KDELR3: variants seen among roughly 807,000 people sequenced by gnomAD.
The protein encoded by KDELR3 is ER lumen protein-retaining receptor 3.
KDELR3 carries 26 observed loss-of-function variants against 22.7 expected under a neutral mutation model. The observed-to-expected ratio is 1.15, with a 90% CI of 0.84 to 1.59. The LOEUF (loss-of-function observed/expected upper bound fraction) is 1.59, where lower values mean the gene tolerates loss of function less well. Ranked by LOEUF, KDELR3 falls within the 40% of genes most tolerant of loss-of-function variation. The probability of loss-of-function intolerance (pLI) is 0.00; values close to 1 mark genes in which losing one functional copy is unlikely to be tolerated. For missense variants in KDELR3, 289 were observed against 251.1 expected (o/e 1.15, Z -1.02); for synonymous variants, 120 against 98.2 (o/e 1.22, Z -1.31).
In KDELR3 at chr22:38,474,536, G is replaced by T; in HGVS notation, c.105G>T (p.Lys35Asn). Reference sequence around the variant, plus strand: ...CCTTGGCCACAGGCATCTCTGGGAAGAGCCAGATCCTGTTTGCTCTCGTCT... The same window carrying T: ...CCTTGGCCACAGGCATCTCTGGGAATAGCCAGATCCTGTTTGCTCTCGTCT... Reference protein sequence around the residue: ...RSKCCKGISGKSQILFALVFT... With the variant: ...RSKCCKGISGNSQILFALVFT... Residue 35 changes from lysine (K) to asparagine (N), a missense_variant, in exon 2 of 5, where the codon AAG becomes AAT. Transcript: ENST00000216014. 2.5e-6 allele frequency: 4 copies of T among 1,613,932 alleles called. No individual in the cohort carries two copies. The highest frequency in any genetic ancestry group is 3.4e-6 in the Non-Finnish European group (4 of 1,179,952).
intron 3 of KDELR3, among the ~76,000 whole-genome samples, 184 bp downstream of exon 3, chr22:38,479,935 T>C (rs1342763901): frequency 1.3e-5 from 2 of 152,196 alleles, no homozygotes. Flanking sequence ...CACATCTCAA[T>C]AGTCATGATG....
intron 3 of KDELR3, among the ~76,000 whole-genome samples, chr22:38,480,395 C>T (rs111658957): frequency 3.9e-5 from 6 of 152,188 alleles, no homozygotes; most frequent in South Asian, 2.1e-4. Context: ...CCACCCACCT[C>T]GGCCTCCCAA....
At chr22:38,470,123 C>T (rs1333763432) in intron 1 of KDELR3, among the ~76,000 whole-genome samples, 1 of 146,128 alleles carries the variant, frequency 6.8e-6, no homozygotes, top group African/African-American at 2.5e-5. Context: ...ACTGCGCCCA[C>T]TTCTTTTTTT....
intron 1 of KDELR3, among the ~76,000 whole-genome samples, chr22:38,472,483 T>A (rs1476883384): frequency 1.3e-5 from 2 of 150,820 alleles, no homozygotes; most frequent in African/African-American, 4.9e-5. Flanking sequence ...TCTCAAAAAA[T>A]AAATAAATAA....
intron 3 of KDELR3, among the ~76,000 whole-genome samples, chr22:38,480,980 A>G (rs888025827): frequency 1.8e-4 from 28 of 152,212 alleles, no homozygotes; most frequent in African/African-American, 6.7e-4. Context: ...CTCACGCTAC[A>G]CTGTGAAAAA....
chr22:38,478,052 G>GT (rs1160286747), intron 2 of KDELR3, among the ~76,000 whole-genome samples: 1 of 152,162 alleles, frequency 6.6e-6, no homozygotes, highest in Admixed American at 6.5e-5. Flanking sequence ...CTTGTACCTA[G>GT]ACATTTACAG....
intron 1 of KDELR3, among the ~76,000 whole-genome samples, chr22:38,471,208 G>A (rs1259009768): frequency 1.3e-5 from 2 of 152,172 alleles, no homozygotes; most frequent in Non-Finnish European, 2.9e-5. Context: ...TAAGGAAAAT[G>A]TGAGTAAAAC....
chr22:38,469,752 G>C lies in KDELR3; in HGVS notation c.91+1428G>C, dbSNP rs540719843. 3.6e-3 allele frequency among the ~76,000 whole-genome samples: 548 copies of C among 152,356 alleles called. 2 individuals carry two copies. The highest frequency in any genetic ancestry group is 5.9e-3 in the Non-Finnish European group (402 of 68,032). On this transcript the variant is annotated intron_variant, in intron 1 of 4. Transcript: ENST00000216014. ...ACCTGGCCGCTGTCTGCCAGACACT[G>C]CTGGGCACCTAGAATACAGCCCGGA...
chr22:38,482,322 A>T (rs1438539221), intron 4 of KDELR3, among the ~76,000 whole-genome samples, 174 bp from the exon 5 acceptor site: 1 of 152,194 alleles, frequency 6.6e-6, no homozygotes, highest in Non-Finnish European at 1.5e-5. Context: ...CCAGTAACCA[A>T]GTCGGGGATC....
chr22:38,471,058 C>T (rs1420330049), intron 1 of KDELR3, among the ~76,000 whole-genome samples: 1 of 152,250 alleles, frequency 6.6e-6, no homozygotes, highest in Non-Finnish European at 1.5e-5. Flanking sequence ...GCAGGAGAAT[C>T]GCTTGAACCT....
rs966624251 is a variant in KDELR3 at position 38,479,586 on chromosome 22, CTT to C, written c.193-4_193-3del. Reference sequence around the variant, plus strand: ...GATTCGATTCCCATGTCTCTCTCCCCTTTTAGGTGGTTTTTCTCCTCTGTGCC... The same window carrying C: ...GATTCGATTCCCATGTCTCTCTCCCCTTAGGTGGTTTTTCTCCTCTGTGCC... On this transcript the variant is annotated splice_polypyrimidine_tract_variant and splice_region_variant and intron_variant, in intron 2 of 4. Transcript: ENST00000216014. 1.2e-6 allele frequency: 2 copies of C among 1,611,162 alleles called. No homozygotes were observed. Among genetic ancestry groups the C allele is most frequent in the African/African-American group, 2.7e-5 (2 of 74,898 alleles).
chr22:38,469,738 G>T (rs1281307480), intron 1 of KDELR3, among the ~76,000 whole-genome samples: 2 of 152,234 alleles, frequency 1.3e-5, no homozygotes, highest in Admixed American at 6.5e-5. Context: ...CCTGGCCGCT[G>T]TCTGCCAGAC....
At chr22:38,476,585 T>C (rs543417234) in intron 2 of KDELR3, among the ~76,000 whole-genome samples, 1 of 148,440 alleles carries the variant, frequency 6.7e-6, no homozygotes, top group African/African-American at 2.5e-5. Context: ...GGTGCAGTGG[T>C]GCAATCTCGG....
rs1018109138 is a variant in KDELR3 at position 38,475,079 on chromosome 22, C to CAA, written c.192+481_192+482dup. 4.1e-3 allele frequency among the ~76,000 whole-genome samples: 84 copies of CAA among 20,426 alleles called. 10 individuals are homozygous for CAA. Among genetic ancestry groups the CAA allele is most frequent in the African/African-American group, 9.0e-3 (67 of 7,474 alleles). 13.4% of individuals were successfully genotyped at this position (20,426 alleles called of 152,430 possible). On this transcript the variant is annotated intron_variant, in intron 2 of 4. Transcript: ENST00000216014. The stretch of plus-strand genomic sequence containing the variant: ...TGGGTGACAGAGTGAGACTCTGTCT[C>CAA]AAAAAAAAAAAAAAAAAAAAAAAAA...
At chr22:38,469,725 G>A (rs2089512919) in intron 1 of KDELR3, among the ~76,000 whole-genome samples, 1 of 152,240 alleles carries the variant, frequency 6.6e-6, no homozygotes, top group African/African-American at 2.4e-5. Flanking sequence ...GGGGACACTG[G>A]TACCTGGCCG....
intron 1 of KDELR3, among the ~76,000 whole-genome samples, chr22:38,471,965 CA>C (rs927590095): frequency 2.0e-5 from 3 of 147,306 alleles, no homozygotes; most frequent in African/African-American, 7.5e-5. Flanking sequence ...CCCTGCCTCA[CA>C]AAAAAAGAAA....
chr22:38,475,438 A>G (rs1396294147), intron 2 of KDELR3, among the ~76,000 whole-genome samples: 1 of 152,246 alleles, frequency 6.6e-6, no homozygotes, highest in Non-Finnish European at 1.5e-5. Context: ...TGATCATGCC[A>G]CTGTACTCCA....
chr22:38,478,343 C>T (rs182719997), intron 2 of KDELR3, among the ~76,000 whole-genome samples: 2 of 151,392 alleles, frequency 1.3e-5, no homozygotes, highest in Non-Finnish European at 2.9e-5. Flanking sequence ...GTGAGGAGTT[C>T]GAGACAAGCC....
chr22:38,468,554 C>T (rs886611321), intron 1 of KDELR3, among the ~76,000 whole-genome samples: 3 of 152,182 alleles, frequency 2.0e-5, no homozygotes, highest in Admixed American at 6.5e-5. Context: ...TGCACAGACG[C>T]CCCCTCAGGT....
Sources: gnomAD v4.1 joint callset for allele counts (sites outside exome capture counted in the v4.1 genomes callset) on GRCh38, gnomAD v4.1.1 for gene constraint, MANE v1.5 for transcripts, NCBI Gene and HGNC (gene_info 2026-07-23, HGNC 2026-07-21) for gene names.